The following N4BP2 variants were observed in gnomAD, a reference collection of about 807,000 sequenced individuals.
N4BP2 encodes NEDD4-binding protein 2.
N4BP2 carries 91 observed loss-of-function variants against 152.8 expected under a neutral mutation model. The observed-to-expected ratio is 0.60, with a 90% confidence interval of 0.50 to 0.71. The LOEUF (loss-of-function observed/expected upper bound fraction) is 0.71, where lower values mean the gene tolerates loss of function less well. Ranked by LOEUF, N4BP2 falls within the 30% of genes least tolerant of loss-of-function variation. N4BP2 has a pLI of 0.00. For synonymous variants in N4BP2, 646 were observed against 705.3 expected, an observed-to-expected ratio of 0.92 and a Z score of 1.33; for missense variants, 1,923 against 2,059.1, an observed-to-expected ratio of 0.93 and a Z score of 1.28.
chr4:40,144,525 T>A, intron 15 of N4BP2, 107 bp from the exon 16 acceptor site: 1 of 875,406 alleles, frequency 1.1e-6, no homozygotes, highest in Non-Finnish European at 1.7e-6. Flanking sequence ...ATTTTAGGTT[T>A]ATTATTCCCT....
Position 40,152,708 on chromosome 4 carries a change from G to T in N4BP2, c.5144-72G>T. 3.2e-6 allele frequency: 5 copies of T among 1,551,522 alleles called. No homozygotes were observed. In the South Asian group the frequency reaches 5.7e-5, roughly 18 times the overall value. ...GAAAACAATTTCATGTGCTTGAGTA[G>T]CTAAGGTTTACGTTTTCTATTGAGA... On this transcript the variant is annotated intron_variant, in intron 16 of 17. Transcript: ENST00000261435.
Position 40,120,802 on chromosome 4 carries a change from A to C in N4BP2, c.2691A>C (p.Arg897Ser). ...SSDSLAQREH[R>S]SRMPKTGLSE... The stretch of plus-strand genomic sequence containing the variant: ...ATTCTTTAGCTCAGAGGGAACACAG[A>C]TCAAGAATGCCAAAGACTGGTTTAA... Residue 897 changes from arginine (R) to serine (S), a missense_variant, in exon 9 of 18, where the codon AGA (arginine) becomes AGC (serine). By Grantham distance (110) the Arg-to-Ser change is moderately radical. Transcript: ENST00000261435. 4 of 1,614,200 alleles carry C rather than the reference A, an allele frequency of 2.5e-6. No individual in the cohort carries two copies. Among genetic ancestry groups the C allele is most frequent in the Non-Finnish European group, 3.4e-6 (4 of 1,180,030 alleles).
chr4:40,101,887 C>A (rs1035110393), intron 3 of N4BP2, among the ~76,000 whole-genome samples, 188 bp from the exon 4 acceptor site: 2 of 152,130 alleles, frequency 1.3e-5, no homozygotes, highest in Non-Finnish European at 2.9e-5. Context: ...ATCATTCAGA[C>A]TTTTTGCTAC....
At chr4:40,127,842 TA>T in intron 12 of N4BP2, among the ~76,000 whole-genome samples, 1 of 152,246 alleles carries the variant, frequency 6.6e-6, no homozygotes, top group South Asian at 2.1e-4. Context: ...TTGTATTTTT[TA>T]GTAGAGACGG....
At chr4:40,136,401 T>TC (rs1369613281) in intron 13 of N4BP2, among the ~76,000 whole-genome samples, 3 of 122,976 alleles carry the variant, frequency 2.4e-5, no homozygotes, top group African/African-American at 8.4e-5. Flanking sequence ...TATCTTTTTT[T>TC]TGAGACAAAG....
Position 40,095,660 on chromosome 4 carries a change from A to G in N4BP2, c.-114-1567A>G, listed in dbSNP as rs148656158. The stretch of plus-strand genomic sequence containing the variant: ...ATGATAAGGGCAATGGATAGTTAGC[A>G]GGAAAGGGGAGATTGGGGCAGAGGG... On this transcript the variant is annotated intron_variant, in intron 2 of 17. Coordinates refer to ENST00000261435, the MANE Select transcript of N4BP2 (RefSeq NM_018177.6). 1.9e-3 allele frequency among the ~76,000 whole-genome samples: 282 copies of G among 152,302 alleles called. 1 individual carries two copies. The highest frequency in any genetic ancestry group is 0.012 in the East Asian group (60 of 5,182).
intron 4 of N4BP2, among the ~76,000 whole-genome samples, chr4:40,105,798 A>G (rs923587048): frequency 6.6e-6 from 1 of 151,966 alleles, no homozygotes; most frequent in Non-Finnish European, 1.5e-5. Flanking sequence ...CAGTCTTCCC[A>G]CCTCAGCCTC....
chr4:40,137,693 T>C lies in N4BP2; in HGVS notation c.4785+611T>C, dbSNP rs151260852. On this transcript the variant is annotated intron_variant, in intron 14 of 17. Coordinates refer to ENST00000261435, the MANE Select transcript of N4BP2 (RefSeq NM_018177.6). ...AGGAGGTATGGCTTGCTACCCAAGT[T>C]CACATGGGGAGCCAGCAGGATTGGT... Among the ~76,000 whole-genome samples the C allele has an allele frequency of 2.4e-3, 360 of 152,234 alleles. 1 individual carries two copies. Among genetic ancestry groups the C allele is most frequent in the African/African-American group, 8.2e-3 (341 of 41,536 alleles).
In N4BP2 at chr4:40,148,351, G is replaced by C. The variant is rs144101433; in HGVS notation, c.5143+3551G>C. Reference sequence around the variant, plus strand: ...CTGCAATCGCAGGCACTGGGCAGGCGGAGGCAGGAGAATCAGGCAGGGAGG... The same window carrying C: ...CTGCAATCGCAGGCACTGGGCAGGCCGAGGCAGGAGAATCAGGCAGGGAGG... On this transcript the variant is annotated intron_variant, in intron 16 of 17. Coordinates refer to ENST00000261435, the MANE Select transcript of N4BP2 (RefSeq NM_018177.6). Among the ~76,000 whole-genome samples the C allele has an allele frequency of 2.4e-3, 359 of 152,314 alleles. 1 individual carries two copies. Among genetic ancestry groups the C allele is most frequent in the African/African-American group, 8.2e-3 (340 of 41,572 alleles).
At chr4:40,149,242 T>A (rs1720909918) in intron 16 of N4BP2, among the ~76,000 whole-genome samples, 1 of 152,172 alleles carries the variant, frequency 6.6e-6, no homozygotes, top group African/African-American at 2.4e-5. Context: ...ATGTGGTAAA[T>A]CTATACAATG....
At chr4:40,097,628 C>A in intron 3 of N4BP2, 59 bp downstream of exon 3, 1 of 947,498 alleles carries the variant, frequency 1.1e-6, no homozygotes, top group South Asian at 1.4e-5. Context: ...GTGTACTATG[C>A]CATGATTAAT....
chr4:40,079,369 G>A (rs189008573), intron 2 of N4BP2, among the ~76,000 whole-genome samples: 7 of 150,530 alleles, frequency 4.7e-5, no homozygotes, highest in East Asian at 3.9e-4. Flanking sequence ...CTCCTTCCTC[G>A]GCCTTCCAAA....
downstream of N4BP2, among the ~76,000 whole-genome samples, chr4:40,161,883 G>T (rs1721869895): frequency 6.6e-6 from 1 of 152,206 alleles, no homozygotes; most frequent in Non-Finnish European, 1.5e-5. Flanking sequence ...GAATTAACCT[G>T]CATAGTAGCT....
At chr4:40,122,501 G>A (rs1442549451) in intron 9 of N4BP2, among the ~76,000 whole-genome samples, 192 bp downstream of exon 9, 1 of 152,134 alleles carries the variant, frequency 6.6e-6, no homozygotes, top group Non-Finnish European at 1.5e-5. Flanking sequence ...AGCCTCCAGA[G>A]TAGCTGGGAT....
chr4:40,153,642 G>T (rs1721334994), intron 17 of N4BP2, among the ~76,000 whole-genome samples: 3 of 152,140 alleles, frequency 2.0e-5, no homozygotes, highest in Admixed American at 2.0e-4. Flanking sequence ...CATGTAATAA[G>T]ATGTTATTTG....
In N4BP2 at chr4:40,120,407, G is replaced by A. The variant is rs1717764462; in HGVS notation, c.2296G>A (p.Ala766Thr). 7.4e-6 allele frequency: 12 copies of A among 1,613,784 alleles called. No individual in the cohort carries two copies. Among genetic ancestry groups the A allele is most frequent in the African/African-American group, 1.3e-5 (1 of 75,040 alleles). The change falls in exon 9 of 18, where the codon GCC becomes ACC. Residue 766 changes from alanine (A) to threonine (T), a missense_variant. Coordinates refer to ENST00000261435, the MANE Select transcript of N4BP2 (RefSeq NM_018177.6). Reference sequence around the variant, plus strand: ...AGAAAGAGCAACAGTAACGAAAAAAGCCTTTGGGAAACAAAAAAGCAAATC... The same window carrying A: ...AGAAAGAGCAACAGTAACGAAAAAAACCTTTGGGAAACAAAAAAGCAAATC... ...VEERATVTKK[A>T]FGKQKSKSTL...
the N4BP2 span, among the ~76,000 whole-genome samples, chr4:40,173,888 T>C: frequency 6.6e-6 from 1 of 152,226 alleles, no homozygotes; most frequent in Non-Finnish European, 1.5e-5. Flanking sequence ...TTTTTTCTTT[T>C]TCCTGAACTG....
chr4:40,139,263 T>C (rs186948765), intron 14 of N4BP2, among the ~76,000 whole-genome samples: 2 of 152,314 alleles, frequency 1.3e-5, no homozygotes, highest in Admixed American at 1.3e-4. Flanking sequence ...TTTTTTGATA[T>C]TACTTTTAAA....
In N4BP2 at chr4:40,122,294, G is replaced by C. The variant is rs373397743; in HGVS notation, c.4183G>C (p.Val1395Leu). ...AFQLNELFGPVGIDSGSLTVE... is the reference protein window; with the variant it reads ...AFQLNELFGPLGIDSGSLTVE... ...TCAACTTAATGAATTATTTGGTCCTGTTGGTATTGATTCAGGTAAGGAAAA... is the reference window on the plus strand; with the variant it reads ...TCAACTTAATGAATTATTTGGTCCTCTTGGTATTGATTCAGGTAAGGAAAA... The change falls in exon 9 of 18, where the codon GTT (valine) becomes CTT (leucine). Residue 1395 changes from valine to leucine, a missense_variant. Transcript: ENST00000261435. The C allele has an allele frequency of 1.3e-6, 2 of 1,572,976 alleles. No individual in the cohort carries two copies. The highest frequency in any genetic ancestry group is 2.7e-5 in the African/African-American group (2 of 73,652).
Sources: allele counts gnomAD v4.1 joint callset (sites outside exome capture counted in the v4.1 genomes callset), GRCh38; gene constraint gnomAD v4.1.1; transcripts MANE v1.5; gene names NCBI Gene and HGNC (gene_info 2026-07-23, HGNC 2026-07-21).